ANK3: variants seen among roughly 807,000 people sequenced by gnomAD.
The protein encoded by ANK3 is ankyrin 3, also known as ankyrin-3.
A neutral mutation model predicts 370.9 loss-of-function variants in ANK3; 57 were observed. The ratio of observed to expected loss-of-function variants is 0.15; its 90% CI spans 0.12 to 0.19. The LOEUF (loss-of-function observed/expected upper bound fraction) is 0.19. Ranked by LOEUF, ANK3 falls within the 10% of genes least tolerant of loss-of-function variation. The pLI is 1.00. For missense variants in ANK3, 4,439 were observed against 5,302.1 expected (o/e 0.84, Z 5.06); for synonymous variants, 1,929 against 1,946.3 (o/e 0.99, Z 0.23).
At chr10:60,451,103 G>A (rs895258926) in intron 2 of ANK3, among the ~76,000 whole-genome samples, 1 of 152,168 alleles carries the variant, frequency 6.6e-6, no homozygotes, top group African/African-American at 2.4e-5. Flanking sequence ...GAAGGTGAAG[G>A]CAGAGACTGG....
chr10:60,628,916 T>A (rs74155629), intron 1 of ANK3, among the ~76,000 whole-genome samples: 15 of 152,126 alleles, frequency 9.9e-5, no homozygotes, highest in Admixed American at 3.3e-4. Context: ...TGCTAAAGGA[T>A]TGAATATATC....
chr10:60,715,952 C>T (rs571090353), intron 1 of ANK3, among the ~76,000 whole-genome samples: 4 of 152,092 alleles, frequency 2.6e-5, no homozygotes, highest in Admixed American at 6.5e-5. Flanking sequence ...GTAAATCTAG[C>T]TTCAACACTA....
intron 43 of ANK3, among the ~76,000 whole-genome samples, chr10:60,034,471 A>G (rs2074465014): frequency 6.6e-6 from 1 of 152,198 alleles, no homozygotes; most frequent in Non-Finnish European, 1.5e-5. Flanking sequence ...CTTCACTTTG[A>G]GGATCTAGAT....
At chr10:60,331,831 TA>T (rs1297407368) in intron 1 of ANK3, among the ~76,000 whole-genome samples, 1 of 152,304 alleles carries the variant, frequency 6.6e-6, no homozygotes, top group Admixed American at 6.5e-5. Context: ...AGCAACCAAT[TA>T]GAACTGAAGA....
chr10:60,721,374 G>T (rs564854033), intron 1 of ANK3, among the ~76,000 whole-genome samples: 2 of 152,130 alleles, frequency 1.3e-5, no homozygotes, highest in African/African-American at 4.8e-5. Context: ...TTAAAGAAAG[G>T]TTGAAAAAAT....
At chr10:60,105,047 T>C (rs893963319) in intron 28 of ANK3, among the ~76,000 whole-genome samples, 9 of 152,124 alleles carry the variant, frequency 5.9e-5, no homozygotes, top group African/African-American at 2.2e-4. Context: ...AGTCAGTGAA[T>C]TGAAAAAGAG....
chr10:60,074,072 G>A lies in ANK3; in HGVS notation c.6809C>T (p.Thr2270Ile). Residue 2270 changes from threonine to isoleucine, a missense_variant, in exon 37 of 44, where the codon ACC becomes ATC. Around this residue, in one of 13 missense-constraint regions of ANK3, gnomAD observed 1,601 missense variants for 1,731.7 expected, o/e 0.92. Coordinates refer to ENST00000280772, the MANE Select transcript of ANK3 (RefSeq NM_020987.5). Reference sequence around the variant, plus strand: ...CTTCATGATGTCATGGACTGACATGGTTTCTTCAATTCTTTCAGATGCACC... The same window carrying A: ...CTTCATGATGTCATGGACTGACATGATTTCTTCAATTCTTTCAGATGCACC... ...GEGASERIEE[T>I]MSVHDIMKAF... is the part of the protein sequence containing the mutation. The A allele has an allele frequency of 1.2e-6, 2 of 1,614,104 alleles. No homozygotes were observed. The highest frequency in any genetic ancestry group is 1.7e-6 in the Non-Finnish European group (2 of 1,179,996).
At chr10:60,518,096 C>G (rs1195065215) in intron 2 of ANK3, among the ~76,000 whole-genome samples, 1 of 152,100 alleles carries the variant, frequency 6.6e-6, no homozygotes, top group Non-Finnish European at 1.5e-5. Context: ...ACGTTAGCAC[C>G]ACGCTACCCT....
At chr10:60,516,011 G>A (rs2076208985) in intron 2 of ANK3, among the ~76,000 whole-genome samples, 1 of 152,016 alleles carries the variant, frequency 6.6e-6, no homozygotes, top group African/African-American at 2.4e-5. Flanking sequence ...ACTACCAGTT[G>A]TGGTCAATGC....
chr10:60,657,286 TACAATTCAAG>T (rs1294306903), intron 1 of ANK3, among the ~76,000 whole-genome samples: 1 of 152,164 alleles, frequency 6.6e-6, no homozygotes, highest in Non-Finnish European at 1.5e-5. Flanking sequence ...TTATTGGAAC[TACAATTCAAG>T]ACAAGATGTG....
chr10:60,516,955 C>T (rs12411842), intron 2 of ANK3, among the ~76,000 whole-genome samples: 14,480 of 151,992 alleles, frequency 0.095, 1,160 homozygotes, highest in East Asian at 0.31. Flanking sequence ...TGTAGAGCCA[C>T]GTTCCATGGA....
chr10:60,569,130 T>C (rs1057076762), intron 2 of ANK3, among the ~76,000 whole-genome samples: 2 of 152,190 alleles, frequency 1.3e-5, no homozygotes, highest in Non-Finnish European at 2.9e-5. Context: ...CATTTTATTC[T>C]TGGCAGCTGG....
chr10:60,724,209 C>CAAAAAA lies in ANK3; in HGVS notation c.57+9048_57+9053dup, dbSNP rs398013720. On this transcript the variant is annotated intron_variant, in intron 1 of 43. Coordinates refer to the ANK3 transcript ENST00000373827. ...TGGGCGACAGAGCAAGACTCCGTCT[C>CAAAAAA]AAAAAAAAAAAAAAAAAAAAAAAGA... Among the ~76,000 whole-genome samples, 243 of 53,998 alleles carry CAAAAAA rather than the reference C, an allele frequency of 4.5e-3. 1 individual carries two copies. The highest frequency in any genetic ancestry group is 5.5e-3 in the African/African-American group (71 of 12,914). The allele number at this position is 53,998 out of a possible 152,430, so 35.4% of individuals were successfully genotyped here. A position where few individuals can be genotyped will look rare whatever the true frequency, so the allele number is the denominator to read the frequency against.
intron 1 of ANK3, among the ~76,000 whole-genome samples, chr10:60,691,881 T>G (rs929466665): frequency 6.6e-6 from 1 of 152,208 alleles, no homozygotes; most frequent in Non-Finnish European, 1.5e-5. Flanking sequence ...AGCACATGCA[T>G]GCATATACAC....
intron 1 of ANK3, among the ~76,000 whole-genome samples, chr10:60,707,241 G>A (rs1277749044): frequency 6.6e-6 from 1 of 151,982 alleles, no homozygotes; most frequent in African/African-American, 2.4e-5. Flanking sequence ...ACATAAAATC[G>A]TTCAATTTTT....
At chr10:60,402,682 A>T (rs1328583209) in intron 2 of ANK3, among the ~76,000 whole-genome samples, 3 of 152,238 alleles carry the variant, frequency 2.0e-5, no homozygotes, top group African/African-American at 7.2e-5. Flanking sequence ...GTTTAGGAAC[A>T]TGGCCAAGCT....
intron 17 of ANK3, among the ~76,000 whole-genome samples, chr10:60,186,084 A>T (rs1461459218): frequency 6.6e-6 from 1 of 152,236 alleles, no homozygotes; most frequent in Non-Finnish European, 1.5e-5. Context: ...GTAACCTAGA[A>T]CTTAAAAACG....
chr10:60,315,964 T>C (rs2047325579), intron 1 of ANK3, among the ~76,000 whole-genome samples: 1 of 152,212 alleles, frequency 6.6e-6, no homozygotes, highest in South Asian at 2.1e-4. Flanking sequence ...TTTTACTCTA[T>C]GTGCTAAGGT....
chr10:60,047,434 C>T (rs1331009530), intron 42 of ANK3, among the ~76,000 whole-genome samples: 1 of 151,958 alleles, frequency 6.6e-6, no homozygotes, highest in Non-Finnish European at 1.5e-5. Flanking sequence ...TTGAATTGTC[C>T]AAAAATAGGA....
Sources: allele counts gnomAD v4.1 joint callset (sites outside exome capture counted in the v4.1 genomes callset), GRCh38; gene constraint gnomAD v4.1.1; regional missense constraint gnomAD v4.1.1; transcripts MANE v1.5; gene names NCBI Gene and HGNC (gene_info 2026-07-23, HGNC 2026-07-21).